MMP16: variants seen among roughly 807,000 people sequenced by gnomAD.
MMP16 encodes matrix metalloproteinase-16.
MMP16 carries 12 observed loss-of-function variants against 67.8 expected under a neutral mutation model. The observed-to-expected ratio is 0.18, with a 90% confidence interval of 0.11 to 0.29. MMP16 has a LOEUF of 0.29. Among genes scored for constraint, MMP16 ranks in the 10% least tolerant of loss-of-function variants. MMP16 has a pLI of 1.00. For synonymous variants in MMP16, 249 were observed against 255.9 expected (o/e 0.97, Z 0.26); for missense variants, 475 against 765.7 (o/e 0.62, Z 4.48).
Position 88,037,712 on chromosome 8 carries a change from C to T in MMP16, c.*3749G>A, listed in dbSNP as rs1808073327. On this transcript the variant is annotated 3_prime_UTR_variant, in exon 10 of 10. Transcript: ENST00000286614. Reference sequence around the variant, plus strand: ...ATTACTGCTTTACAGGAAATTCAAACTGATCAGCTATTTTAATACTTCATT... The same window carrying T: ...ATTACTGCTTTACAGGAAATTCAAATTGATCAGCTATTTTAATACTTCATT... 1 of 151,976 alleles carries T rather than the reference C, an allele frequency of 6.6e-6. No individual in the cohort carries two copies. Among genetic ancestry groups the T allele is most frequent in the Non-Finnish European group, 1.5e-5 (1 of 67,894 alleles). The allele number at this position is 151,976 out of a possible 1,614,324, so 9.4% of individuals were successfully genotyped here. A position where few individuals can be genotyped will look rare whatever the true frequency, so the allele number is the denominator to read the frequency against.
intron 9 of MMP16, among the ~76,000 whole-genome samples, chr8:88,045,262 A>G (rs1000290902): frequency 1.3e-5 from 2 of 152,182 alleles, no homozygotes; most frequent in African/African-American, 4.8e-5. Context: ...CAGTACATGT[A>G]CTTTGATTTT....
chr8:88,253,207 T>A lies in MMP16; in HGVS notation c.133-55901A>T, dbSNP rs377568454. Among the ~76,000 whole-genome samples the A allele has an allele frequency of 5.1e-3, 783 of 152,194 alleles. 11 individuals are homozygous for A. The highest frequency in any genetic ancestry group is 0.018 in the African/African-American group (749 of 41,542). ...TTATTTAGACAACACTTAATATTAT[T>A]CCAGGTCTTCCATACATATTTTCTC... On this transcript the variant is annotated intron_variant, in intron 1 of 9. Coordinates refer to ENST00000286614, the MANE Select transcript of MMP16 (RefSeq NM_005941.5).
chr8:88,159,808 C>G (rs1313660709), intron 4 of MMP16, among the ~76,000 whole-genome samples: 3 of 152,074 alleles, frequency 2.0e-5, no homozygotes, highest in Non-Finnish European at 2.9e-5. Context: ...TACGTCCCAT[C>G]AATACCTAAT....
intron 1 of MMP16, among the ~76,000 whole-genome samples, chr8:88,278,283 T>C (rs1563581870): frequency 6.6e-6 from 1 of 152,164 alleles, no homozygotes; most frequent in Non-Finnish European, 1.5e-5. Context: ...TCGTAATGGA[T>C]AGTGAGAACA....
At chr8:88,129,773 T>A (rs1271543034) in intron 4 of MMP16, among the ~76,000 whole-genome samples, 1 of 151,572 alleles carries the variant, frequency 6.6e-6, no homozygotes, top group Non-Finnish European at 1.5e-5. Context: ...TACCTTAATA[T>A]AATGATGTAT....
chr8:88,041,244 G>A lies in MMP16; in HGVS notation c.*217C>T, dbSNP rs1808128860. 1.9e-6 allele frequency: 1 copy of A among 522,260 alleles called. No individual in the cohort carries two copies. The highest frequency in any genetic ancestry group is 3.4e-6 in the Non-Finnish European group (1 of 294,020). 32.4% of individuals were successfully genotyped at this position (522,260 alleles called of 1,614,324 possible). The stretch of plus-strand genomic sequence containing the variant: ...AACTGAATGACAAAGAAAGACAAAG[G>A]ACTGAAGAACAGCAGATACTGTGCA... On this transcript the variant is annotated 3_prime_UTR_variant, in exon 10 of 10. Transcript: ENST00000286614. The surrounding 1 kb of genome is among the most constrained non-coding windows in gnomAD (Gnocchi z 6.0).
chr8:88,138,769 T>G (rs1808163897), intron 4 of MMP16, among the ~76,000 whole-genome samples: 1 of 152,110 alleles, frequency 6.6e-6, no homozygotes, highest in Non-Finnish European at 1.5e-5. Flanking sequence ...TCACATCTCA[T>G]GTCTTGGATA....
intron 1 of MMP16, among the ~76,000 whole-genome samples, chr8:88,322,039 C>A (rs182248355): frequency 3.2e-4 from 48 of 152,224 alleles, no homozygotes; most frequent in Non-Finnish European, 6.3e-4. Flanking sequence ...CCTCCCTATA[C>A]ATAATTTTTG....
chr8:88,116,595 C>G lies in MMP16; in HGVS notation c.995G>C (p.Arg332Thr). Residue 332 changes from arginine to threonine, a missense_variant, in exon 6 of 10, where the codon AGA becomes ACA. Transcript: ENST00000286614. ...GGGTTTGGCTCCGGGATAGGAGGGTCTGCCGGTTGGAGGCCGAGGAGGTTT... is the reference window on the plus strand; with the variant it reads ...GGGTTTGGCTCCGGGATAGGAGGGTGTGCCGGTTGGAGGCCGAGGAGGTTT... The part of the protein sequence containing the change: ...RPKPPRPPTG[R>T]PSYPGAKPNI... The G allele has an allele frequency of 6.2e-7, 1 of 1,613,756 alleles. No homozygotes were observed.
chr8:88,281,179 G>C (rs373150739), intron 1 of MMP16, among the ~76,000 whole-genome samples: 1 of 152,086 alleles, frequency 6.6e-6, no homozygotes, highest in African/African-American at 2.4e-5. Context: ...ACCATATCTT[G>C]TAAGAATATT....
At chr8:88,135,263 T>C (rs547936070) in intron 4 of MMP16, among the ~76,000 whole-genome samples, 14 of 151,930 alleles carry the variant, frequency 9.2e-5, no homozygotes, top group African/African-American at 3.4e-4. Context: ...AACTCAAAAA[T>C]ACAAATAGCT....
chr8:88,324,442 G>A (rs545040952), intron 1 of MMP16, among the ~76,000 whole-genome samples: 3 of 152,074 alleles, frequency 2.0e-5, no homozygotes, highest in Admixed American at 6.5e-5. Flanking sequence ...AAAAAGAATG[G>A]GGGGACCACA....
At chr8:88,326,458 G>C (rs1292407933) in intron 1 of MMP16, among the ~76,000 whole-genome samples, 1 of 152,052 alleles carries the variant, frequency 6.6e-6, no homozygotes, top group Non-Finnish European at 1.5e-5. Flanking sequence ...CAATTGGCGG[G>C]GGAGGGGGAA....
chr8:88,269,034 A>C (rs1585989841), intron 1 of MMP16, among the ~76,000 whole-genome samples: 1 of 152,070 alleles, frequency 6.6e-6, no homozygotes, highest in Non-Finnish European at 1.5e-5. Flanking sequence ...AGACTGAAGC[A>C]CTCAGTTTTA....
intron 1 of MMP16, among the ~76,000 whole-genome samples, chr8:88,226,717 T>C (rs1293407378): frequency 6.6e-6 from 1 of 151,980 alleles, no homozygotes; most frequent in Non-Finnish European, 1.5e-5. Flanking sequence ...TGTGTCCTCC[T>C]GTCTTGGTAA....
intron 1 of MMP16, among the ~76,000 whole-genome samples, chr8:88,214,044 TAATAACAACAATGGC>T (rs1258956114): frequency 6.6e-6 from 1 of 152,114 alleles, no homozygotes; most frequent in Non-Finnish European, 1.5e-5. Flanking sequence ...TGAAAGCTGG[TAATAACAACAATGGC>T]AATAACAACA....
chr8:88,134,518 T>TA (rs35464397), intron 4 of MMP16, among the ~76,000 whole-genome samples: 1 of 151,572 alleles, frequency 6.6e-6, no homozygotes, highest in Admixed American at 6.6e-5. Flanking sequence ...TTTTTTTTCA[T>TA]AAAAAAGGGG....
chr8:88,079,926 A>G (rs1808717706), intron 6 of MMP16, among the ~76,000 whole-genome samples: 1 of 152,202 alleles, frequency 6.6e-6, no homozygotes, highest in East Asian at 1.9e-4. Flanking sequence ...AAATGTGAAG[A>G]GTAATTTTCT....
chr8:88,054,515 CT>C (rs1192760692), intron 8 of MMP16, among the ~76,000 whole-genome samples: 1 of 152,116 alleles, frequency 6.6e-6, no homozygotes, highest in African/African-American at 2.4e-5. Context: ...AGTCATTACA[CT>C]TTTTGGGGCT....
Sources: allele counts gnomAD v4.1 joint callset (sites outside exome capture counted in the v4.1 genomes callset), GRCh38; gene constraint gnomAD v4.1.1; non-coding constraint Gnocchi (gnomAD v3.1); transcripts MANE v1.5; gene names NCBI Gene and HGNC (gene_info 2026-07-23, HGNC 2026-07-21).